The following GALNT17 variants were observed in gnomAD, a reference collection of about 807,000 sequenced individuals.
GALNT17 encodes polypeptide N-acetylgalactosaminyltransferase 17.
A neutral mutation model predicts 63.7 loss-of-function variants in GALNT17; 29 were observed. The observed-to-expected ratio is 0.46, with a 90% CI of 0.34 to 0.62. The LOEUF (loss-of-function observed/expected upper bound fraction) is 0.62. GALNT17 is among the 20% of genes least tolerant of loss of function. The pLI, the probability that GALNT17 is intolerant of heterozygous loss-of-function variation, is 0.01. For synonymous variants in GALNT17, 305 were observed against 318.3 expected, an observed-to-expected ratio of 0.96 and a Z score of 0.45; for missense variants, 603 against 799.6, an observed-to-expected ratio of 0.75 and a Z score of 2.97.
At chr7:71,145,172 C>T (rs1787994506) in intron 1 of GALNT17, among the ~76,000 whole-genome samples, 1 of 152,178 alleles carries the variant, frequency 6.6e-6, no homozygotes, top group Non-Finnish European at 1.5e-5. Context: ...TTCAGGCCAG[C>T]CGATGTCAGC....
intron 5 of GALNT17, among the ~76,000 whole-genome samples, chr7:71,499,087 C>T (rs936114249): frequency 6.8e-6 from 1 of 147,824 alleles, no homozygotes; most frequent in African/African-American, 2.6e-5. Context: ...GATCTGAAGA[C>T]ACAGGACAGC....
At chr7:71,339,999 G>T (rs555326019) in intron 2 of GALNT17, among the ~76,000 whole-genome samples, 1 of 152,198 alleles carries the variant, frequency 6.6e-6, no homozygotes, top group Non-Finnish European at 1.5e-5. Flanking sequence ...GATGGAAAGA[G>T]GATGGTAATG....
intron 1 of GALNT17, among the ~76,000 whole-genome samples, chr7:71,161,677 T>G (rs558694126): frequency 8.5e-5 from 13 of 152,176 alleles, no homozygotes; most frequent in Admixed American, 2.6e-4. Flanking sequence ...GCATGTAACT[T>G]TTTTTATACT....
At chr7:71,241,572 TAGTC>T (rs1292241292) in intron 1 of GALNT17, among the ~76,000 whole-genome samples, 3 of 152,180 alleles carry the variant, frequency 2.0e-5, no homozygotes, top group Non-Finnish European at 4.4e-5. Flanking sequence ...CCTTTCCTCT[TAGTC>T]TGTTTGTGTT....
intron 5 of GALNT17, among the ~76,000 whole-genome samples, chr7:71,458,176 C>A (rs1016314540): frequency 2.6e-5 from 4 of 152,204 alleles, no homozygotes; most frequent in African/African-American, 9.7e-5. Flanking sequence ...TGGAAGGATT[C>A]TATCCTGTGC....
At chr7:71,696,823 T>C (rs1172626004) in intron 9 of GALNT17, among the ~76,000 whole-genome samples, 1 of 152,228 alleles carries the variant, frequency 6.6e-6, no homozygotes, top group Non-Finnish European at 1.5e-5. Context: ...CAAAGACATT[T>C]ATAGAGCATT....
intron 1 of GALNT17, among the ~76,000 whole-genome samples, chr7:71,274,980 G>A (rs1172774171): frequency 2.6e-5 from 4 of 152,222 alleles, no homozygotes; most frequent in Admixed American, 1.3e-4. Flanking sequence ...CACAGTCCCT[G>A]CCTCTGGCCC....
chr7:71,630,838 T>A (rs1790444168), intron 6 of GALNT17, among the ~76,000 whole-genome samples: 2 of 152,206 alleles, frequency 1.3e-5, no homozygotes, highest in South Asian at 4.1e-4. Context: ...AGAAGTGCCA[T>A]TTCAGATTTA....
Position 71,159,617 on chromosome 7 carries a change from G to A in GALNT17, c.238+26577G>A, listed in dbSNP as rs1290959518. Among the ~76,000 whole-genome samples, 3 of 148,526 alleles carry A rather than the reference G, an allele frequency of 2.0e-5. 1 individual carries two copies. The highest frequency in any genetic ancestry group is 7.6e-5 in the African/African-American group (3 of 39,542). On this transcript the variant is annotated intron_variant, in intron 1 of 10. Coordinates refer to ENST00000333538, the MANE Select transcript of GALNT17 (RefSeq NM_022479.3). The stretch of plus-strand genomic sequence containing the variant: ...GGAACAAAACAATAACTGTTGACAG[G>A]TATACAATTCAACTGGCGGGAGCAG...
chr7:71,630,054 G>A (rs1790433122), intron 6 of GALNT17, among the ~76,000 whole-genome samples: 1 of 151,792 alleles, frequency 6.6e-6, no homozygotes, highest in African/African-American at 2.4e-5. Flanking sequence ...CTGCCAGATA[G>A]ACACAGGACT....
chr7:71,317,347 C>T (rs991878195), intron 1 of GALNT17, among the ~76,000 whole-genome samples: 2 of 152,164 alleles, frequency 1.3e-5, no homozygotes, highest in African/African-American at 4.8e-5. Context: ...GGCATGTTCA[C>T]AGGCAGAATT....
intron 6 of GALNT17, among the ~76,000 whole-genome samples, chr7:71,577,799 T>C (rs1156744545): frequency 6.6e-6 from 1 of 152,124 alleles, no homozygotes; most frequent in Non-Finnish European, 1.5e-5. Context: ...ATTCCATTTC[T>C]CTGAGGAGTT....
chr7:71,659,498 G>T (rs1191586643), intron 6 of GALNT17, among the ~76,000 whole-genome samples: 1 of 152,160 alleles, frequency 6.6e-6, no homozygotes, highest in Non-Finnish European at 1.5e-5. Context: ...TGGAATAGCT[G>T]GGCCTCTATT....
At chr7:71,238,233 C>G (rs1173261093) in intron 1 of GALNT17, among the ~76,000 whole-genome samples, 3 of 152,144 alleles carry the variant, frequency 2.0e-5, no homozygotes. Flanking sequence ...AGAGCAGTTA[C>G]TTTCTTTTGC....
intron 5 of GALNT17, among the ~76,000 whole-genome samples, chr7:71,491,398 T>C (rs1025571607): frequency 6.6e-5 from 10 of 152,080 alleles, no homozygotes; most frequent in Non-Finnish European, 1.2e-4. Flanking sequence ...TCTCCAACAG[T>C]TGCATTTTAC....
chr7:71,709,115 A>G (rs1381566985), intron 9 of GALNT17, among the ~76,000 whole-genome samples: 2 of 152,218 alleles, frequency 1.3e-5, no homozygotes, highest in African/African-American at 4.8e-5. Context: ...TTCTACTTTT[A>G]GTTCTTTGAT....
At chr7:71,601,159 C>G (rs1044188317) in intron 6 of GALNT17, among the ~76,000 whole-genome samples, 3 of 151,766 alleles carry the variant, frequency 2.0e-5, no homozygotes, top group Non-Finnish European at 4.4e-5. Flanking sequence ...TATATATCTA[C>G]CACAGTTTCT....
chr7:71,609,260 A>G (rs956557224), intron 6 of GALNT17, among the ~76,000 whole-genome samples: 3 of 152,198 alleles, frequency 2.0e-5, no homozygotes, highest in Non-Finnish European at 4.4e-5. Flanking sequence ...TGGATTATGG[A>G]TTCAGAATGA....
chr7:71,547,119 G>A (rs1394094351), intron 5 of GALNT17, among the ~76,000 whole-genome samples: 1 of 151,658 alleles, frequency 6.6e-6, no homozygotes, highest in African/African-American at 2.4e-5. Context: ...AGCCTCCTGA[G>A]TAGCTGGAAT....
Sources: allele counts gnomAD v4.1 joint callset (sites outside exome capture counted in the v4.1 genomes callset), GRCh38; gene constraint gnomAD v4.1.1; transcripts MANE v1.5; gene names NCBI Gene and HGNC (gene_info 2026-07-23, HGNC 2026-07-21).